The following GAS2 variants were observed in gnomAD, a reference collection of about 807,000 sequenced individuals.
The protein encoded by GAS2 is growth arrest-specific protein 2.
A neutral mutation model predicts 37.5 loss-of-function variants in GAS2; 20 were observed. The ratio of observed to expected loss-of-function variants is 0.53; its 90% CI spans 0.37 to 0.77. GAS2 has a LOEUF of 0.77. Ranked by LOEUF, GAS2 falls within the 30% of genes least tolerant of loss-of-function variation. The pLI is 0.00. For synonymous variants in GAS2, 144 were observed against 132.2 expected, an observed-to-expected ratio of 1.09 and a Z score of -0.61; for missense variants, 336 against 373.4, an observed-to-expected ratio of 0.90 and a Z score of 0.82.
intron 7 of GAS2, among the ~76,000 whole-genome samples, chr11:22,800,495 G>T (rs764715499): frequency 6.6e-6 from 1 of 152,034 alleles, no homozygotes; most frequent in Non-Finnish European, 1.5e-5. Flanking sequence ...GATTACTGTG[G>T]CTCTGGAGTA....
intron 7 of GAS2, among the ~76,000 whole-genome samples, chr11:22,797,535 A>G (rs970959420): frequency 6.6e-6 from 1 of 152,048 alleles, no homozygotes; most frequent in Non-Finnish European, 1.5e-5. Flanking sequence ...TTATGTATGT[A>G]TGATTTATCA....
intron 1 of GAS2, among the ~76,000 whole-genome samples, chr11:22,627,053 A>G (rs1858669837): frequency 6.6e-6 from 1 of 152,192 alleles, no homozygotes; most frequent in African/African-American, 2.4e-5. Flanking sequence ...TCGGCCTCCC[A>G]AAGTGCTGGG....
At chr11:22,768,184 C>T (rs1854791183) in intron 7 of GAS2, among the ~76,000 whole-genome samples, 1 of 152,124 alleles carries the variant, frequency 6.6e-6, no homozygotes, top group Non-Finnish European at 1.5e-5. Flanking sequence ...TTGGGAGGAA[C>T]AGTGTGTGAA....
At chr11:22,635,990 A>T (rs1432248827) in intron 1 of GAS2, among the ~76,000 whole-genome samples, 1 of 151,920 alleles carries the variant, frequency 6.6e-6, no homozygotes, top group African/African-American at 2.4e-5. Context: ...TGCCTGGCTT[A>T]TGGATATACC....
chr11:22,653,014 T>TCTTTCTTTCTTC (rs1848809610), intron 1 of GAS2, among the ~76,000 whole-genome samples: 1 of 145,942 alleles, frequency 6.9e-6, no homozygotes, highest in Admixed American at 7.0e-5. Flanking sequence ...TTTCTTTCTT[T>TCTTTCTTTCTTC]CTTTCTTTCT....
chr11:22,755,734 A>G (rs747527943), intron 6 of GAS2, 112 bp from the exon 7 acceptor site: 1 of 661,734 alleles, frequency 1.5e-6, no homozygotes, highest in Non-Finnish European at 2.6e-6. Context: ...GTCCATAGAT[A>G]AATAACAAGT....
intron 7 of GAS2, among the ~76,000 whole-genome samples, chr11:22,779,809 A>AT (rs544409549): frequency 1.3e-5 from 2 of 152,022 alleles, no homozygotes. Context: ...TCTCATTTTA[A>AT]TTTTTTTTAG....
chr11:22,806,037 TCTGATCCTATGA>T (rs1171029167), intron 7 of GAS2, among the ~76,000 whole-genome samples: 7 of 152,238 alleles, frequency 4.6e-5, no homozygotes, highest in Middle Eastern at 3.4e-3. Flanking sequence ...TTATCCTATA[TCTGATCCTATGA>T]CTTATCCTGT....
chr11:22,648,952 T>C (rs1848738051), intron 1 of GAS2, among the ~76,000 whole-genome samples: 1 of 152,022 alleles, frequency 6.6e-6, no homozygotes, highest in Non-Finnish European at 1.5e-5. Flanking sequence ...TCCAACACTA[T>C]GTTGAATAGG....
At chr11:22,798,567 G>A (rs1297663043) in intron 7 of GAS2, among the ~76,000 whole-genome samples, 1 of 151,990 alleles carries the variant, frequency 6.6e-6, no homozygotes, top group Non-Finnish European at 1.5e-5. Flanking sequence ...AAATGAGATA[G>A]TAAATAAGAT....
intron 7 of GAS2, among the ~76,000 whole-genome samples, chr11:22,766,096 T>G (rs1231875198): frequency 6.6e-6 from 1 of 152,070 alleles, no homozygotes; most frequent in African/African-American, 2.4e-5. Context: ...TCCAAACACC[T>G]CCCACCATGC....
At chr11:22,734,664 A>AT (rs1852658174) in intron 4 of GAS2, among the ~76,000 whole-genome samples, 1 of 151,810 alleles carries the variant, frequency 6.6e-6, no homozygotes, top group Non-Finnish European at 1.5e-5. Context: ...TATGCTAAGC[A>AT]TAACAGTAAA....
At chr11:22,662,887 A>C (rs1006250079), upstream of GAS2, among the ~76,000 whole-genome samples, 2 of 151,988 alleles carry the variant, frequency 1.3e-5, no homozygotes, top group Non-Finnish European at 2.9e-5. Context: ...TCTGCAAAAA[A>C]AAAAAAAATA....
At chr11:22,679,834 G>T (rs200514744) in intron 2 of GAS2, among the ~76,000 whole-genome samples, 83,816 of 151,284 alleles carry the variant, frequency 0.55, 25,735 homozygotes, top group East Asian at 0.76. Flanking sequence ...TAAATCATCA[G>T]ATATATTAAA....
intron 1 of GAS2, among the ~76,000 whole-genome samples, chr11:22,631,105 C>A (rs1393279761): frequency 6.6e-6 from 1 of 152,036 alleles, no homozygotes; most frequent in African/African-American, 2.4e-5. Flanking sequence ...TCTGCAGCTA[C>A]TGTAAAAGGG....
intron 1 of GAS2, among the ~76,000 whole-genome samples, chr11:22,627,650 C>G (rs1858681830): frequency 6.6e-6 from 1 of 152,010 alleles, no homozygotes; most frequent in Non-Finnish European, 1.5e-5. Flanking sequence ...CGGTGCACAC[C>G]TGTGATCCTA....
At position 22,645,929 on chromosome 11, in the gene GAS2, C is replaced by T. The variant is rs570042845; in HGVS notation, c.-21+20116C>T. ...CATGATCTCGGCTCACTGCAACCTC[C>T]GCCTCCCAAGTTCAAGCCATTCTCC... On this transcript the variant is annotated intron_variant, in intron 1 of 5. Coordinates refer to the GAS2 transcript ENST00000528582. Among the ~76,000 whole-genome samples the T allele has an allele frequency of 5.3e-5, 8 of 150,900 alleles. 1 individual carries two copies. Among genetic ancestry groups the T allele is most frequent in the African/African-American group, 1.9e-4 (8 of 41,092 alleles).
intron 5 of GAS2, among the ~76,000 whole-genome samples, chr11:22,748,821 T>A (rs1049182897): frequency 2.7e-4 from 41 of 152,212 alleles, no homozygotes; most frequent in African/African-American, 9.4e-4. Context: ...AAGACCAAAT[T>A]TACATGGTTA....
intron 7 of GAS2, among the ~76,000 whole-genome samples, chr11:22,803,422 A>G (rs902063291): frequency 2.0e-5 from 3 of 152,128 alleles, no homozygotes; most frequent in South Asian, 4.1e-4. Flanking sequence ...ACTACTTACT[A>G]CTTCTGATAT....
Sources: allele counts gnomAD v4.1 joint callset (sites outside exome capture counted in the v4.1 genomes callset), GRCh38; gene constraint gnomAD v4.1.1; transcripts MANE v1.5; gene names NCBI Gene and HGNC (gene_info 2026-07-23, HGNC 2026-07-21).